Variants in PDE4D observed in about 807,000 individuals in gnomAD.
PDE4D encodes the protein phosphodiesterase 4D.
PDE4D carries 24 observed loss-of-function variants against 87.4 expected under a neutral mutation model. The ratio of observed to expected loss-of-function variants is 0.27; its 90% confidence interval spans 0.20 to 0.39. The LOEUF (loss-of-function observed/expected upper bound fraction) is 0.39, where lower values mean the gene tolerates loss of function less well. Ranked by LOEUF, PDE4D falls within the 10% of genes least tolerant of loss-of-function variation. The pLI is 1.00. For synonymous variants in PDE4D, 384 were observed against 383.2 expected, an observed-to-expected ratio of 1.00 and a Z score of -0.02; for missense variants, 714 against 1,041.0, an observed-to-expected ratio of 0.69 and a Z score of 4.32.
intron 1 of PDE4D, among the ~76,000 whole-genome samples, chr5:60,432,397 G>C (rs1304309589): frequency 2.0e-5 from 3 of 152,068 alleles, no homozygotes; most frequent in Non-Finnish European, 4.4e-5. Flanking sequence ...GCTTTTTCTG[G>C]CTGGTAGCCT....
chr5:60,225,962 T>G (rs4235478), intron 1 of PDE4D, among the ~76,000 whole-genome samples: 126,347 of 152,050 alleles, frequency 0.83, 52,980 homozygotes, highest in African/African-American at 0.95. Context: ...ACACATTAAT[T>G]TTTGTTTTGA....
intron 1 of PDE4D, among the ~76,000 whole-genome samples, chr5:59,411,285 T>C (rs1348709): frequency 0.16 from 23,750 of 152,248 alleles, 2,282 homozygotes; most frequent in African/African-American, 0.26. Flanking sequence ...ATTTCCTAAA[T>C]TGGTCCTCTC....
At position 60,185,630 on chromosome 5, in the gene PDE4D, A is replaced by G. The variant is rs370728234; in HGVS notation, c.-32T>C. ...GTTTTAAGTAATTAAAATGGGAACT[A>G]GTGTTTCCAGTGTCAATGATCTCAC... On this transcript the variant is annotated 5_prime_UTR_variant, in exon 2 of 17. Transcript: ENST00000502484. 1,309 of 1,391,110 alleles carry G rather than the reference A, an allele frequency of 9.4e-4. 1 individual carries two copies. The highest frequency in any genetic ancestry group is 1.9e-3 in the Middle Eastern group (11 of 5,698). 86.2% of individuals were successfully genotyped at this position (1,391,110 alleles called of 1,614,324 possible). A position where few individuals can be genotyped will look rare whatever the true frequency, so the allele number is the denominator to read the frequency against.
chr5:59,212,410 A>C (rs1412410383), intron 2 of PDE4D, among the ~76,000 whole-genome samples: 1 of 152,136 alleles, frequency 6.6e-6, no homozygotes, highest in Non-Finnish European at 1.5e-5. Flanking sequence ...GGAGAATGGA[A>C]AGCTAAACAT....
chr5:59,238,035 T>C (rs1245519258), intron 1 of PDE4D, among the ~76,000 whole-genome samples: 1 of 152,130 alleles, frequency 6.6e-6, no homozygotes, highest in Non-Finnish European at 1.5e-5. Flanking sequence ...AGAGACACTA[T>C]ATGATGATAG....
At chr5:60,172,980 C>T (rs1783604509) in intron 2 of PDE4D, among the ~76,000 whole-genome samples, 1 of 152,090 alleles carries the variant, frequency 6.6e-6, no homozygotes, top group African/African-American at 2.4e-5. Context: ...TCTTCCTAAA[C>T]AAAAAATCCA....
intron 1 of PDE4D, among the ~76,000 whole-genome samples, chr5:59,804,374 A>G (rs919479690): frequency 6.6e-6 from 1 of 152,210 alleles, no homozygotes; most frequent in Non-Finnish European, 1.5e-5. Context: ...ATGACTGAGT[A>G]GTAATCCATA....
upstream of PDE4D, among the ~76,000 whole-genome samples, chr5:59,895,745 A>G (rs565590665): frequency 7.2e-5 from 11 of 152,362 alleles, no homozygotes; most frequent in African/African-American, 2.6e-4. Context: ...TAACTGTGGC[A>G]AAATACCTCT....
intron 1 of PDE4D, among the ~76,000 whole-genome samples, chr5:59,288,459 T>C (rs1357546773): frequency 4.6e-5 from 7 of 150,640 alleles, no homozygotes; most frequent in Non-Finnish European, 7.4e-5. Flanking sequence ...ACTTAGAAAA[T>C]AGTCTCAAAA....
chr5:60,341,912 G>A (rs557859516), intron 1 of PDE4D, among the ~76,000 whole-genome samples: 23 of 152,282 alleles, frequency 1.5e-4, no homozygotes, highest in Non-Finnish European at 2.6e-4. Context: ...GCAAAGAAGA[G>A]CAATAAGCAA....
chr5:60,239,001 A>C (rs933219331), intron 1 of PDE4D, among the ~76,000 whole-genome samples: 9 of 152,162 alleles, frequency 5.9e-5, no homozygotes, highest in East Asian at 1.9e-4. Context: ...CCAATAATGG[A>C]ACACTAGGCG....
chr5:59,863,831 C>T (rs879826346), intron 1 of PDE4D, among the ~76,000 whole-genome samples: 1 of 152,008 alleles, frequency 6.6e-6, no homozygotes, highest in Non-Finnish European at 1.5e-5. Flanking sequence ...GAGGGGAGCC[C>T]TTTTGCCAGT....
chr5:59,607,991 A>G (rs774485330), intron 1 of PDE4D, among the ~76,000 whole-genome samples: 1 of 152,114 alleles, frequency 6.6e-6, no homozygotes, highest in Non-Finnish European at 1.5e-5. Flanking sequence ...CTGTAAGAAC[A>G]ATTAATGAAG....
Position 59,573,521 on chromosome 5 carries a change from C to T in PDE4D, c.455+319647G>A, listed in dbSNP as rs149906919. On this transcript the variant is annotated intron_variant, in intron 1 of 14. Transcript: ENST00000340635. ...CCCGCAGTTCTCAGCCTTCCCAGGG[C>T]GAATTTTCCTCATCCTGTCCTCTCT... is the stretch of plus-strand genomic sequence containing the variant. Among the ~76,000 whole-genome samples the T allele has an allele frequency of 8.2e-3, 1,241 of 152,212 alleles. 15 individuals carry two copies. The highest frequency in any genetic ancestry group is 0.028 in the African/African-American group (1,173 of 41,530).
chr5:60,404,706 A>G (rs1021433470), intron 1 of PDE4D, among the ~76,000 whole-genome samples: 2 of 152,242 alleles, frequency 1.3e-5, no homozygotes, highest in African/African-American at 4.8e-5. Context: ...ACAACAGGAA[A>G]GTTGTTTTAT....
intron 1 of PDE4D, among the ~76,000 whole-genome samples, chr5:59,299,962 A>T (rs1322178307): frequency 6.6e-6 from 1 of 152,088 alleles, no homozygotes; most frequent in Non-Finnish European, 1.5e-5. Context: ...ATACAAAAAA[A>T]TTAGCCAGGC....
chr5:60,428,287 AG>A, intron 1 of PDE4D, among the ~76,000 whole-genome samples: 1 of 152,266 alleles, frequency 6.6e-6, no homozygotes, highest in African/African-American at 2.4e-5. Flanking sequence ...CAGAGAGATA[AG>A]GGGGTATAAC....
At chr5:59,848,993 C>T (rs1415305250) in intron 1 of PDE4D, among the ~76,000 whole-genome samples, 3 of 152,024 alleles carry the variant, frequency 2.0e-5, no homozygotes, top group Admixed American at 2.0e-4. Flanking sequence ...CAAGGAAAGA[C>T]AATTGAGCTG....
At chr5:59,356,335 C>A (rs1449350000) in intron 1 of PDE4D, among the ~76,000 whole-genome samples, 8 of 152,260 alleles carry the variant, frequency 5.3e-5, no homozygotes, top group Non-Finnish European at 1.5e-5. Flanking sequence ...TGAATTACTA[C>A]CTGAAACAGC....
Sources: gnomAD v4.1 joint callset for allele counts (sites outside exome capture counted in the v4.1 genomes callset) on GRCh38, gnomAD v4.1.1 for gene constraint, MANE v1.5 for transcripts, NCBI Gene and HGNC (gene_info 2026-07-23, HGNC 2026-07-21) for gene names.